The following BBOF1 variants were observed in gnomAD, a reference collection of about 807,000 sequenced individuals.
The protein encoded by BBOF1 is basal body-orientation factor 1.
A neutral mutation model predicts 68.0 loss-of-function variants in BBOF1; 62 were observed. The ratio of observed to expected loss-of-function variants is 0.91; its 90% confidence interval spans 0.74 to 1.13. BBOF1 has a LOEUF of 1.13. Ranked by LOEUF, BBOF1 falls within the 50% of genes most tolerant of loss-of-function variation. The probability of loss-of-function intolerance (pLI) is 0.00; values close to 1 mark genes in which losing one functional copy is unlikely to be tolerated. For missense variants in BBOF1, 534 were observed against 600.1 expected, an observed-to-expected ratio of 0.89 and a Z score of 1.15; for synonymous variants, 208 against 198.8, an observed-to-expected ratio of 1.05 and a Z score of -0.39.
intron 12 of BBOF1, among the ~76,000 whole-genome samples, chr14:74,081,527 TTTC>T (rs2060667943): frequency 6.6e-6 from 1 of 152,214 alleles, no homozygotes; most frequent in Non-Finnish European, 1.5e-5. Flanking sequence ...TCTTCTATCT[TTTC>T]TTCATTTCCT....
intron 2 of BBOF1, among the ~76,000 whole-genome samples, chr14:74,027,890 G>T (rs377256862): frequency 2.6e-5 from 4 of 152,084 alleles, no homozygotes; most frequent in African/African-American, 7.2e-5. Context: ...TAAATGCAAC[G>T]CATGATCAAG....
chr14:74,068,346 T>C (rs529020005), downstream of BBOF1, among the ~76,000 whole-genome samples: 1 of 151,446 alleles, frequency 6.6e-6, no homozygotes, highest in Non-Finnish European at 1.5e-5. Flanking sequence ...ACCACTGCAC[T>C]CTAGCCTGGG....
chr14:74,025,557 T>A (rs1036754623), intron 2 of BBOF1, among the ~76,000 whole-genome samples: 5 of 152,194 alleles, frequency 3.3e-5, no homozygotes, highest in African/African-American at 1.2e-4. Flanking sequence ...ATTAGGAGAT[T>A]CCCCTTAAGA....
Position 74,057,254 on chromosome 14 carries a change from A to G in BBOF1, c.1574A>G (p.Asp525Gly). Residue 525 changes from aspartate to glycine, a missense_variant, in exon 11 of 12, where the codon GAC becomes GGC. Transcript: ENST00000394009. Reference protein sequence around the residue: ...PTIPKEPQESDTGTF With the variant: ...PTIPKEPQESGTGTF ...ATTCCAAAAGAACCTCAGGAGTCTG[A>G]CACAGTAAGGAGTCTGTATCTAATC... 6.2e-7 allele frequency: 1 copy of G among 1,614,142 alleles called. No individual in the cohort carries two copies. The highest frequency in any genetic ancestry group is 8.5e-7 in the Non-Finnish European group (1 of 1,179,984).
At chr14:74,062,426 A>AC (rs1474570734) in intron 11 of BBOF1, among the ~76,000 whole-genome samples, 1 of 151,984 alleles carries the variant, frequency 6.6e-6, no homozygotes, top group Non-Finnish European at 1.5e-5. Flanking sequence ...ACATGGCGAA[A>AC]CCCCGTCTCT....
chr14:74,066,885 T>G, downstream of BBOF1: 1 of 1,613,720 alleles, frequency 6.2e-7, no homozygotes, highest in Non-Finnish European at 8.5e-7. Context: ...CAGGCTGATC[T>G]CCTGTAAAAC....
chr14:74,025,026 CCAA>C (rs2059394114), intron 2 of BBOF1, among the ~76,000 whole-genome samples: 1 of 152,026 alleles, frequency 6.6e-6, no homozygotes, highest in Non-Finnish European at 1.5e-5. Context: ...CCTCACCCTC[CCAA>C]AGTGTTGGGA....
intron 5 of BBOF1, among the ~76,000 whole-genome samples, chr14:74,044,681 T>A (rs1172591776): frequency 6.6e-6 from 1 of 152,102 alleles, no homozygotes; most frequent in Non-Finnish European, 1.5e-5. Context: ...ATCCCAGCAC[T>A]TTGGGAGGCT....
chr14:74,027,237 C>G (rs1293304217), intron 2 of BBOF1, among the ~76,000 whole-genome samples: 1 of 151,754 alleles, frequency 6.6e-6, no homozygotes, highest in Non-Finnish European at 1.5e-5. Context: ...AGTTGTGCCA[C>G]CACCCCGCCT....
downstream of BBOF1, chr14:74,067,650 T>C: frequency 6.9e-7 from 1 of 1,441,460 alleles, no homozygotes; most frequent in Non-Finnish European, 9.6e-7. Context: ...GGACCAGGTG[T>C]GGTGGCTAAT....
chr14:74,040,735 G>A (rs1472392787), intron 5 of BBOF1, 90 bp downstream of exon 5: 11 of 727,596 alleles, frequency 1.5e-5, no homozygotes, highest in South Asian at 6.0e-5. Flanking sequence ...CTTCCATTTG[G>A]TATCTTAATA....
chr14:74,078,194 A>T (rs764195000), intron 9 of BBOF1: 7 of 455,960 alleles, frequency 1.5e-5, no homozygotes, highest in South Asian at 9.3e-5. Flanking sequence ...TTCTTACTTC[A>T]GAGCACACAG....
At position 74,028,467 on chromosome 14, in the gene BBOF1, T is replaced by TACACACACACAC. The variant is rs34677110; in HGVS notation, c.286-683_286-672dup. On this transcript the variant is annotated intron_variant, in intron 2 of 11. Transcript: ENST00000394009. ...ACATTACCCTTTACCACTAAAGAAA[T>TACACACACACAC]ACACACACACACACACACACACACA... Among the ~76,000 whole-genome samples, 161 of 138,288 alleles carry TACACACACACAC rather than the reference T, an allele frequency of 1.2e-3. 1 individual carries two copies. Among genetic ancestry groups the TACACACACACAC allele is most frequent in the African/African-American group, 4.2e-3 (156 of 37,130 alleles). The allele number at this position is 138,288 out of a possible 152,430, so 90.7% of individuals were successfully genotyped here. A position where few individuals can be genotyped will look rare whatever the true frequency, so the allele number is the denominator to read the frequency against.
intron 9 of BBOF1, among the ~76,000 whole-genome samples, chr14:74,075,986 C>A (rs2060608804): frequency 6.6e-6 from 1 of 152,160 alleles, no homozygotes; most frequent in Admixed American, 6.5e-5. Flanking sequence ...AAAGTACATA[C>A]TGTATGATTC....
chr14:74,073,287 A>T (rs2060574694), intron 9 of BBOF1, among the ~76,000 whole-genome samples: 1 of 150,976 alleles, frequency 6.6e-6, no homozygotes, highest in Middle Eastern at 3.2e-3. Flanking sequence ...TGTACTTTTG[A>T]TAGAGACGGG....
At chr14:74,071,305 A>G (rs2060545828) in intron 9 of BBOF1, 4 of 1,614,226 alleles carry the variant, frequency 2.5e-6, no homozygotes, top group Non-Finnish European at 3.4e-6. Flanking sequence ...TGGTTTCATT[A>G]GGAAGGTATT....
intron 8 of BBOF1, among the ~76,000 whole-genome samples, chr14:74,054,065 AC>A (rs2060128147): frequency 6.6e-6 from 1 of 151,816 alleles, no homozygotes; most frequent in Non-Finnish European, 1.5e-5. Context: ...TTTAGTAGAG[AC>A]AGAGTTTCAC....
intron 5 of BBOF1, among the ~76,000 whole-genome samples, chr14:74,043,277 G>A (rs1460204029): frequency 2.0e-5 from 3 of 151,692 alleles, no homozygotes; most frequent in Non-Finnish European, 2.9e-5. Context: ...TCGGCCAGGC[G>A]CGGTGGCTCA....
intron 9 of BBOF1, among the ~76,000 whole-genome samples, chr14:74,073,745 T>C (rs1273484743): frequency 6.6e-6 from 1 of 151,658 alleles, no homozygotes; most frequent in African/African-American, 2.4e-5. Context: ...TGGTGAAACC[T>C]TGTCTCTACT....
Sources: allele counts gnomAD v4.1 joint callset (sites outside exome capture counted in the v4.1 genomes callset), GRCh38; gene constraint gnomAD v4.1.1; transcripts MANE v1.5; gene names NCBI Gene and HGNC (gene_info 2026-07-23, HGNC 2026-07-21).